Variants in DNAAF4 observed in about 807,000 individuals in gnomAD.
DNAAF4 encodes the protein dynein assembly factor 4, axonemal.
A neutral mutation model predicts 51.8 loss-of-function variants in DNAAF4; 43 were observed. The observed-to-expected ratio is 0.83, with a 90% CI of 0.65 to 1.07. DNAAF4 has a LOEUF of 1.07. Ranked by LOEUF, DNAAF4 falls within the 50% of genes least tolerant of loss-of-function variation. The pLI is 0.00. For missense variants in DNAAF4, 581 were observed against 493.0 expected, an observed-to-expected ratio of 1.18 and a Z score of -1.69; for synonymous variants, 194 against 165.6, an observed-to-expected ratio of 1.17 and a Z score of -1.32.
intron 6 of DNAAF4, 128 bp from the exon 7 acceptor site, chr15:55,439,709 C>T (rs1365751806): frequency 6.8e-6 from 5 of 730,086 alleles, no homozygotes; most frequent in Non-Finnish European, 1.1e-5. Context: ...TTTGTGTCTT[C>T]TCCACCTCTC....
intron 6 of DNAAF4, among the ~76,000 whole-genome samples, chr15:55,446,107 A>ATG (rs1315978730): frequency 6.0e-5 from 8 of 133,000 alleles, no homozygotes; most frequent in African/African-American, 8.7e-5. Flanking sequence ...CACATCCCAG[A>ATG]CAGGGCAGCC....
chr15:55,425,587 T>G (rs2057423933), downstream of DNAAF4, among the ~76,000 whole-genome samples: 1 of 152,166 alleles, frequency 6.6e-6, no homozygotes, highest in Non-Finnish European at 1.5e-5. Flanking sequence ...AAGCATTTTT[T>G]TTTTCACTTT....
chr15:55,497,648 T>A (rs977404898), intron 3 of DNAAF4, 64 bp downstream of exon 3: 63 of 1,529,094 alleles, frequency 4.1e-5, no homozygotes, highest in African/African-American at 9.8e-5. Context: ...CAAAATAAAA[T>A]TTTTTAAAAG....
intron 6 of DNAAF4, among the ~76,000 whole-genome samples, chr15:55,446,341 C>T (rs546877355): frequency 2.4e-4 from 23 of 96,584 alleles, no homozygotes; most frequent in East Asian, 1.5e-3. Flanking sequence ...ACTTCCCAGA[C>T]GGGGTGGCCA....
chr15:55,419,295 G>GTTCACTGC (rs1354607458), intron 7 of DNAAF4, among the ~76,000 whole-genome samples: 1 of 151,964 alleles, frequency 6.6e-6, no homozygotes, highest in African/African-American at 2.4e-5. Flanking sequence ...CATGATCATG[G>GTTCACTGC]TTCACTGCAA....
intron 4 of DNAAF4, among the ~76,000 whole-genome samples, chr15:55,485,096 AC>A (rs2058468758): frequency 6.6e-6 from 1 of 152,208 alleles, no homozygotes; most frequent in South Asian, 2.1e-4. Context: ...GGTGGAAGCA[AC>A]CCAAGTGTCC....
chr15:55,444,566 T>C (rs2057766054), intron 6 of DNAAF4, among the ~76,000 whole-genome samples: 1 of 152,184 alleles, frequency 6.6e-6, no homozygotes, highest in Non-Finnish European at 1.5e-5. Context: ...AGTAGTTTGT[T>C]TTCCAATTCT....
intron 5 of DNAAF4, among the ~76,000 whole-genome samples, chr15:55,454,053 G>A (rs2439045): frequency 6.6e-6 from 1 of 151,592 alleles, no homozygotes; most frequent in African/African-American, 2.4e-5. Flanking sequence ...GTAATCCCAG[G>A]ATTTTGGGAG....
At chr15:55,418,813 T>C (rs896376662) in intron 7 of DNAAF4, 3 of 345,904 alleles carry the variant, frequency 8.7e-6, no homozygotes, top group African/African-American at 6.4e-5. Flanking sequence ...CAAAAGCCTT[T>C]CATATTTTAT....
chr15:55,430,777 G>A lies in DNAAF4; in HGVS notation c.1156C>T (p.Leu386=). 1 of 1,609,700 alleles carries A rather than the reference G, an allele frequency of 6.2e-7. No individual in the cohort carries two copies. The highest frequency in any genetic ancestry group is 1.1e-5 in the South Asian group (1 of 90,704). Residue 386 remains leucine, a splice_region_variant and synonymous_variant, in exon 10 of 10, where the codon CTA becomes TTA. Coordinates refer to ENST00000321149, the MANE Select transcript of DNAAF4 (RefSeq NM_130810.4). ...FCQLELYVEG[L]QDYEAALKID... ...TTAAGTGCCGCTTCATAATCCTGTA[G>A]GCCTGTGTTTATATAGCAATGATGA...
At chr15:55,444,447 C>G (rs1022215235) in intron 6 of DNAAF4, among the ~76,000 whole-genome samples, 5 of 152,146 alleles carry the variant, frequency 3.3e-5, no homozygotes, top group Non-Finnish European at 7.4e-5. Context: ...GTTACTGTAG[C>G]CTTGTAGTGT....
exon 8 of DNAAF4, chr15:55,418,108 T>G: frequency 6.3e-7 from 1 of 1,585,806 alleles, no homozygotes; most frequent in Non-Finnish European, 8.5e-7. Flanking sequence ...GGCCTGACAT[T>G]CAATGCCCTC....
At chr15:55,442,430 G>A (rs555431268) in intron 6 of DNAAF4, among the ~76,000 whole-genome samples, 7 of 152,284 alleles carry the variant, frequency 4.6e-5, no homozygotes, top group South Asian at 2.1e-4. Context: ...GAGAGTTGTC[G>A]AAATGCTCGC....
At chr15:55,423,681 G>A (rs1165339065) in intron 7 of DNAAF4, among the ~76,000 whole-genome samples, 3 of 152,168 alleles carry the variant, frequency 2.0e-5, no homozygotes, top group Non-Finnish European at 4.4e-5. Context: ...AAGCCAGCGC[G>A]GTGGCTCACA....
At chr15:55,501,327 G>T (rs969720334) in intron 1 of DNAAF4, among the ~76,000 whole-genome samples, 3 of 150,058 alleles carry the variant, frequency 2.0e-5, no homozygotes, top group Non-Finnish European at 4.4e-5. Context: ...CTCCCAAAGT[G>T]CTGGGATTAC....
At position 55,438,349 on chromosome 15, in the gene DNAAF4, C is replaced by T. The variant is rs1253915638; in HGVS notation, c.893+1123G>A. ...CTGGGGACCAAGAGCGAGACTTTGT[C>T]TCAAAAAAAAAAAAAAAATCCATAT... On this transcript the variant is annotated intron_variant, in intron 7 of 9. Transcript: ENST00000321149. Among the ~76,000 whole-genome samples, 4 of 18,680 alleles carry T rather than the reference C, an allele frequency of 2.1e-4. No homozygotes were observed. The Admixed American group carries it at 2.4e-3, about 11-fold the overall frequency. The allele number at this position is 18,680 out of a possible 152,430, so 12.3% of individuals were successfully genotyped here.
intron 7 of DNAAF4, among the ~76,000 whole-genome samples, chr15:55,435,942 C>G (rs566677169): frequency 6.6e-6 from 1 of 152,272 alleles, no homozygotes; most frequent in East Asian, 1.9e-4. Flanking sequence ...GCATGTACCA[C>G]CACGCCTGGC....
intron 4 of DNAAF4, among the ~76,000 whole-genome samples, chr15:55,489,146 G>A (rs1295056436): frequency 6.6e-6 from 1 of 151,758 alleles, no homozygotes; most frequent in East Asian, 1.9e-4. Flanking sequence ...CTTCCTGCTG[G>A]TCAACTGTTC....
intron 7 of DNAAF4, among the ~76,000 whole-genome samples, chr15:55,420,204 A>C (rs564884987): frequency 6.6e-6 from 1 of 152,302 alleles, no homozygotes; most frequent in South Asian, 2.1e-4. Context: ...TAGGGAGAGG[A>C]AACTATATGG....
Sources: allele counts gnomAD v4.1 joint callset (sites outside exome capture counted in the v4.1 genomes callset), GRCh38; gene constraint gnomAD v4.1.1; transcripts MANE v1.5; gene names NCBI Gene and HGNC (gene_info 2026-07-23, HGNC 2026-07-21).